HIVEP1: variants seen among roughly 807,000 people sequenced by gnomAD.
HIVEP1 encodes zinc finger protein 40.
HIVEP1 carries 36 observed loss-of-function variants against 180.0 expected under a neutral mutation model. The ratio of observed to expected loss-of-function variants is 0.20; its 90% confidence interval spans 0.15 to 0.26. HIVEP1 has a LOEUF of 0.26. Ranked by LOEUF, HIVEP1 falls within the 10% of genes least tolerant of loss-of-function variation. The pLI, the probability that HIVEP1 is intolerant of heterozygous loss-of-function variation, is 1.00. For missense variants in HIVEP1, 3,143 were observed against 3,268.7 expected (o/e 0.96, Z 0.94); for synonymous variants, 1,239 against 1,239.0 (o/e 1.00, Z 0.00).
At chr6:12,011,055 C>G (rs1767251850), upstream of HIVEP1, among the ~76,000 whole-genome samples, 2 of 152,338 alleles carry the variant, frequency 1.3e-5, no homozygotes, top group African/African-American at 4.8e-5. Context: ...TTGGAGCGGC[C>G]TCTGGAATAA....
At chr6:12,107,570 G>T (rs1057102213) in intron 3 of HIVEP1, among the ~76,000 whole-genome samples, 1 of 152,200 alleles carries the variant, frequency 6.6e-6, no homozygotes, top group Admixed American at 6.5e-5. Flanking sequence ...TCCACAGTTT[G>T]TTCCTTCTGA....
At chr6:12,094,296 T>C (rs989451401) in intron 3 of HIVEP1, among the ~76,000 whole-genome samples, 3 of 151,988 alleles carry the variant, frequency 2.0e-5, no homozygotes, top group African/African-American at 7.2e-5. Flanking sequence ...ATAATGAAAG[T>C]TTGTTTCTTC....
At chr6:12,057,753 C>T (rs1163289371) in intron 2 of HIVEP1, among the ~76,000 whole-genome samples, 1 of 152,146 alleles carries the variant, frequency 6.6e-6, no homozygotes, top group Non-Finnish European at 1.5e-5. Context: ...GATATTATAA[C>T]TCTTTCTAAA....
chr6:12,158,829 G>T (rs1760220452), intron 7 of HIVEP1, among the ~76,000 whole-genome samples: 1 of 152,156 alleles, frequency 6.6e-6, no homozygotes. Context: ...TGTTTTCCTG[G>T]TGGAGACAGG....
At chr6:12,176,902 A>C in the HIVEP1 span, among the ~76,000 whole-genome samples, 1 of 152,190 alleles carries the variant, frequency 6.6e-6, no homozygotes, top group Non-Finnish European at 1.5e-5. Context: ...AAAGATATGG[A>C]ATCAACCTAA....
At chr6:12,103,554 A>G (rs956712385) in intron 3 of HIVEP1, among the ~76,000 whole-genome samples, 1 of 151,542 alleles carries the variant, frequency 6.6e-6, no homozygotes, top group Non-Finnish European at 1.5e-5. Context: ...CCACACATGG[A>G]GACTTACTAT....
At chr6:12,012,597 G>A (rs1464954939) in intron 1 of HIVEP1, 31 bp downstream of exon 1, 1 of 145,454 alleles carries the variant, frequency 6.9e-6, no homozygotes, top group Non-Finnish European at 1.5e-5. Context: ...CGGGGGCGCT[G>A]CAGCTGGGGA....
At chr6:12,064,919 G>A (rs140633525) in intron 2 of HIVEP1, among the ~76,000 whole-genome samples, 2 of 152,308 alleles carry the variant, frequency 1.3e-5, no homozygotes, top group Non-Finnish European at 2.9e-5. Flanking sequence ...CAACAGATGT[G>A]AATCCAGCCA....
At chr6:12,008,419 G>A (rs1767113151), upstream of HIVEP1, 1 of 152,184 alleles carries the variant, frequency 6.6e-6, no homozygotes, top group African/African-American at 2.4e-5. Flanking sequence ...TCTAATGTAG[G>A]AGGCCTCCCG....
chr6:12,115,128 G>A (rs142511069), intron 3 of HIVEP1, among the ~76,000 whole-genome samples: 1 of 152,104 alleles, frequency 6.6e-6, no homozygotes, highest in East Asian at 1.9e-4. Context: ...CACTTTATTG[G>A]CAACTAAGAT....
At chr6:12,042,214 G>A (rs1041986077) in intron 2 of HIVEP1, among the ~76,000 whole-genome samples, 3 of 150,052 alleles carry the variant, frequency 2.0e-5, no homozygotes, top group Non-Finnish European at 3.0e-5. Context: ...CGAGTAGCTG[G>A]GACTACAGGC....
In HIVEP1 at chr6:12,123,115, A is replaced by G. The variant is rs1400643108; in HGVS notation, c.3320A>G (p.Lys1107Arg). Residue 1107 changes from lysine (K) to arginine (R), a missense_variant, in exon 4 of 9, where the codon AAG becomes AGG. Lys to Arg is a conservative substitution (Grantham distance 26). Around this residue, in one of 12 missense-constraint regions of HIVEP1, gnomAD observed 1,357 missense variants for 1,260.5 expected, o/e 1.08. Transcript: ENST00000379388. ...GGCCCTGAGCAGACCATGGATCCCA[A>G]GCTGTCGACCATCATGGAACAACAG... The part of the protein sequence containing the change: ...ARGPEQTMDP[K>R]LSTIMEQQIS... 5 of 1,614,082 alleles carry G rather than the reference A, an allele frequency of 3.1e-6. No homozygotes were observed. The Admixed American group carries it at 5.0e-5, about 16-fold the overall frequency.
the HIVEP1 span, among the ~76,000 whole-genome samples, chr6:12,207,742 A>AAATTAATAATAATAATAATAAT: frequency 8.7e-5 from 12 of 138,176 alleles, no homozygotes; most frequent in Admixed American, 3.0e-4. Flanking sequence ...AGTCTCTACA[A>AAATTAATAATAATAATAATAAT]AATAATAATA....
At chr6:12,065,621 G>T (rs921427658) in intron 2 of HIVEP1, among the ~76,000 whole-genome samples, 8 of 152,018 alleles carry the variant, frequency 5.3e-5, no homozygotes, top group Non-Finnish European at 1.0e-4. Flanking sequence ...GCCACTGTTT[G>T]CTCCTCTGGA....
intron 2 of HIVEP1, among the ~76,000 whole-genome samples, chr6:12,029,630 C>T (rs1476005240): frequency 6.6e-6 from 1 of 152,010 alleles, no homozygotes; most frequent in East Asian, 1.9e-4. Flanking sequence ...TTATAATATG[C>T]ATCTTAAAGT....
At chr6:12,054,112 CT>C (rs1380116003) in intron 2 of HIVEP1, among the ~76,000 whole-genome samples, 1 of 152,198 alleles carries the variant, frequency 6.6e-6, no homozygotes, top group Middle Eastern at 3.2e-3. Context: ...CATGCCCACT[CT>C]GTGTTTATTT....
At chr6:12,211,737 G>T in the HIVEP1 span, among the ~76,000 whole-genome samples, 5 of 151,978 alleles carry the variant, frequency 3.3e-5, no homozygotes, top group African/African-American at 1.2e-4. Context: ...AATTAGTTTG[G>T]TCCATGGTGA....
At chr6:12,029,053 T>C (rs1173732102) in intron 2 of HIVEP1, among the ~76,000 whole-genome samples, 1 of 152,250 alleles carries the variant, frequency 6.6e-6, no homozygotes, top group Non-Finnish European at 1.5e-5. Flanking sequence ...CGCTACATAA[T>C]ATTCTCTTAT....
Position 12,121,439 on chromosome 6 carries a change from G to T in HIVEP1, c.1644G>T (p.Gln548His). 1.2e-6 allele frequency: 2 copies of T among 1,614,122 alleles called. No individual in the cohort carries two copies. The highest frequency in any genetic ancestry group is 1.7e-6 in the Non-Finnish European group (2 of 1,180,014). The change falls in exon 4 of 9, where the codon CAG (glutamine) becomes CAT (histidine). Residue 548 changes from glutamine to histidine, a missense_variant. Physicochemically the swap from Gln to His is conservative, Grantham distance 24 (BLOSUM62 0). This residue lies in a region of HIVEP1 where 365 missense variants were observed against 344.4 expected (regional missense o/e 1.06). Coordinates refer to ENST00000379388, the MANE Select transcript of HIVEP1 (RefSeq NM_002114.4). The surrounding 1 kb of genome is among the most constrained non-coding windows in gnomAD (Gnocchi z 5.3). ...PENVIGDFLLQDRSAESQAVT... is the reference protein window; with the variant it reads ...PENVIGDFLLHDRSAESQAVT... The stretch of plus-strand genomic sequence containing the variant: ...ATGTGATAGGTGACTTTTTGCTACA[G>T]GACAGATCTGCAGAATCACAAGCTG...
Sources: allele counts gnomAD v4.1 joint callset (sites outside exome capture counted in the v4.1 genomes callset), GRCh38; gene constraint gnomAD v4.1.1; regional missense constraint gnomAD v4.1.1; non-coding constraint Gnocchi (gnomAD v3.1); transcripts MANE v1.5; gene names NCBI Gene and HGNC (gene_info 2026-07-23, HGNC 2026-07-21).